The following CDC42BPB variants were observed in gnomAD, a reference collection of about 807,000 sequenced individuals.
The protein encoded by CDC42BPB is CDC42 binding protein kinase beta.
Under a neutral mutation model 214.9 loss-of-function variants are expected in CDC42BPB, and 37 were observed. The observed-to-expected ratio is 0.17, with a 90% CI of 0.13 to 0.23. The LOEUF (loss-of-function observed/expected upper bound fraction) is 0.23. Among genes scored for constraint, CDC42BPB ranks in the 10% least tolerant of loss-of-function variants. CDC42BPB has a pLI of 1.00. For synonymous variants in CDC42BPB, 931 were observed against 884.0 expected, an observed-to-expected ratio of 1.05 and a Z score of -0.94; for missense variants, 1,694 against 2,227.0, an observed-to-expected ratio of 0.76 and a Z score of 4.82.
At chr14:102,980,430 T>C (rs1422463598) in intron 8 of CDC42BPB, among the ~76,000 whole-genome samples, 1 of 151,892 alleles carries the variant, frequency 6.6e-6, no homozygotes, top group Non-Finnish European at 1.5e-5. Flanking sequence ...GAGTCAGAGG[T>C]TGCAGTGAGC....
intron 34 of CDC42BPB, 108 bp downstream of exon 34, chr14:102,939,502 G>A (rs755555328): frequency 2.4e-4 from 190 of 792,522 alleles, no homozygotes; most frequent in Non-Finnish European, 3.0e-4. Context: ...AGAGCACAGC[G>A]CCAGCCTCGC....
chr14:103,040,223 C>T lies in CDC42BPB; in HGVS notation c.175+16776G>A, dbSNP rs529714290. ...TACAAACATTAGCCAGGCGTCGTGGCGGGTGCCTGCAATCCCAGCTACTCG... is the reference window on the plus strand; with the variant it reads ...TACAAACATTAGCCAGGCGTCGTGGTGGGTGCCTGCAATCCCAGCTACTCG... On this transcript the variant is annotated intron_variant, in intron 1 of 36. Transcript: ENST00000361246. Among the ~76,000 whole-genome samples the T allele has an allele frequency of 3.9e-5, 6 of 151,964 alleles. No individual in the cohort carries two copies. The South Asian group carries it at 8.3e-4, about 21-fold the overall frequency.
rs140534674 is a variant in CDC42BPB at position 103,054,393 on chromosome 14, T to C, written c.175+2606A>G. ...ATCAGAGGTTTCAAATGTCATGGAG[T>C]GGTGAATCCAAAAACTGAACAGTCC... On this transcript the variant is annotated intron_variant, in intron 1 of 36. Transcript: ENST00000361246. 5.9e-5 allele frequency among the ~76,000 whole-genome samples: 9 copies of C among 152,268 alleles called. No individual in the cohort carries two copies. The East Asian group carries it at 1.4e-3, about 23-fold the overall frequency.
chr14:103,033,512 G>A (rs1012041910), intron 1 of CDC42BPB, among the ~76,000 whole-genome samples: 7 of 152,016 alleles, frequency 4.6e-5, no homozygotes, highest in Non-Finnish European at 7.4e-5. Flanking sequence ...GTAAGCCACC[G>A]CACCCAGCTG....
Position 102,954,649 on chromosome 14 carries a change from G to A in CDC42BPB, c.2941C>T (p.Pro981Ser), listed in dbSNP as rs764250909. The change falls in exon 22 of 37, where the codon CCA becomes TCA. Residue 981 changes from proline (P) to serine (S), a missense_variant. Coordinates refer to ENST00000361246, the MANE Select transcript of CDC42BPB (RefSeq NM_006035.4). The part of the protein sequence containing the change: ...ASEQETQAPK[P>S]EASPSMSVAA... Reference sequence around the variant, plus strand: ...ACAGACATCGACGGGGACGCTTCTGGCTTCGGAGCTTGTGTTTCTTGCTCA... The same window carrying A: ...ACAGACATCGACGGGGACGCTTCTGACTTCGGAGCTTGTGTTTCTTGCTCA... 11 of 1,613,982 alleles carry A rather than the reference G, an allele frequency of 6.8e-6. No homozygotes were observed. The East Asian group carries it at 2.5e-4, about 36-fold the overall frequency.
intron 1 of CDC42BPB, among the ~76,000 whole-genome samples, chr14:103,052,870 T>C (rs1000658810): frequency 1.3e-5 from 2 of 152,220 alleles, no homozygotes; most frequent in East Asian, 1.9e-4. Context: ...CATTAGCTGT[T>C]ACAAATAAGC....
At chr14:102,948,053 TC>T in intron 26 of CDC42BPB, 1 of 782,034 alleles carries the variant, frequency 1.3e-6, no homozygotes, top group Non-Finnish European at 1.5e-6. Flanking sequence ...TGCTGGTGCC[TC>T]CAGACTATGC....
intron 1 of CDC42BPB, among the ~76,000 whole-genome samples, chr14:103,025,771 C>A (rs1887017054): frequency 6.7e-6 from 1 of 149,410 alleles, no homozygotes; most frequent in African/African-American, 2.5e-5. Flanking sequence ...CAAGCCACTG[C>A]ACTCCAGCCT....
chr14:103,030,820 CAAAAA>C (rs1566914782), intron 1 of CDC42BPB, among the ~76,000 whole-genome samples: 1 of 152,130 alleles, frequency 6.6e-6, no homozygotes, highest in African/African-American at 2.4e-5. Context: ...CCCGTCTCTA[CAAAAA>C]AATTCACAAA....
At chr14:102,942,793 G>A (rs34789465) in intron 30 of CDC42BPB, among the ~76,000 whole-genome samples, 1,544 of 145,274 alleles carry the variant, frequency 0.011, 30 homozygotes, top group African/African-American at 0.037. Context: ...CAACCTCTGC[G>A]TCCCGGGTTC....
chr14:103,011,324 C>T lies in CDC42BPB; in HGVS notation c.267+773G>A, dbSNP rs549886574. Among the ~76,000 whole-genome samples, 491 of 152,354 alleles carry T rather than the reference C, an allele frequency of 3.2e-3. 3 individuals carry two copies. The highest frequency in any genetic ancestry group is 6.8e-3 in the Middle Eastern group (2 of 294). ...GCCAACCGGACCCAGAGCCACACCG[C>T]GTGTGTCAACAGCAAGCAAGTACAG... On this transcript the variant is annotated intron_variant, in intron 2 of 36. Coordinates refer to ENST00000361246, the MANE Select transcript of CDC42BPB (RefSeq NM_006035.4).
At chr14:102,945,530 G>A (rs112036360) in intron 29 of CDC42BPB, 132 bp downstream of exon 29, 11 of 728,866 alleles carry the variant, frequency 1.5e-5, no homozygotes, top group African/African-American at 5.2e-5. Flanking sequence ...CGGTCTTCAC[G>A]GCACGCTGGC....
rs1453677005 is a variant in CDC42BPB at position 102,944,141 on chromosome 14, G to A, written c.4158C>T (p.Leu1386=). ...VQCLAVLRDR[L]CVGYPSGFCL... ...AGAACCCAGAAGGGTAGCCCACACA[G>A]AGCCTGTCCCTGAGCACCGCCAGGC... Residue 1386 remains leucine, a synonymous_variant, in exon 30 of 37, where the codon CTC becomes CTT. Coordinates refer to ENST00000361246, the MANE Select transcript of CDC42BPB (RefSeq NM_006035.4). The surrounding 1 kb of genome is among the most constrained non-coding windows in gnomAD (Gnocchi z 6.6). 1.9e-6 allele frequency: 3 copies of A among 1,613,244 alleles called. No individual in the cohort carries two copies. Among genetic ancestry groups the A allele is most frequent in the Non-Finnish European group, 8.5e-7 (1 of 1,180,010 alleles).
chr14:103,057,469 G>T lies in CDC42BPB; in HGVS notation c.-296C>A. 3.8e-6 allele frequency: 1 copy of T among 262,844 alleles called. No individual in the cohort carries two copies. Among genetic ancestry groups the T allele is most frequent in the Non-Finnish European group, 5.8e-6 (1 of 172,378 alleles). The allele number at this position is 262,844 out of a possible 1,614,324, so 16.3% of individuals were successfully genotyped here. ...GCCGCCCTCAGCCCCGCCCGCGGCC[G>T]CGCCCTCCCCGCCGCCGCCGCCGCA... On this transcript the variant is annotated 5_prime_UTR_variant, in exon 1 of 37. Coordinates refer to ENST00000361246, the MANE Select transcript of CDC42BPB (RefSeq NM_006035.4).
chr14:102,955,949 A>G (rs1256500940), intron 21 of CDC42BPB, among the ~76,000 whole-genome samples: 1 of 152,206 alleles, frequency 6.6e-6, no homozygotes, highest in East Asian at 1.9e-4. Context: ...TAAAACACAC[A>G]CACAACTGTG....
chr14:102,984,022 T>C (rs1296295821), intron 6 of CDC42BPB: 4 of 270,628 alleles, frequency 1.5e-5, no homozygotes, highest in Admixed American at 1.3e-4. Flanking sequence ...CCCAACCCTG[T>C]CTCTAACGAA....
chr14:102,950,869 G>A (rs1467357835), intron 24 of CDC42BPB: 1 of 172,704 alleles, frequency 5.8e-6, no homozygotes, highest in African/African-American at 2.4e-5. Context: ...GGGAGGCTGA[G>A]GCAGAAGAAT....
At chr14:103,003,440 A>T (rs762210658) in intron 4 of CDC42BPB, among the ~76,000 whole-genome samples, 1 of 152,184 alleles carries the variant, frequency 6.6e-6, no homozygotes, top group Non-Finnish European at 1.5e-5. Flanking sequence ...TTTAAATCGG[A>T]AAAATACACA....
intron 5 of CDC42BPB, among the ~76,000 whole-genome samples, chr14:102,986,950 T>C (rs35999475): frequency 5.9e-4 from 90 of 152,306 alleles, no homozygotes; most frequent in African/African-American, 2.1e-3. Flanking sequence ...AGCTGAGGTC[T>C]TGCAAACACA....
Sources: allele counts gnomAD v4.1 joint callset (sites outside exome capture counted in the v4.1 genomes callset), GRCh38; gene constraint gnomAD v4.1.1; non-coding constraint Gnocchi (gnomAD v3.1); transcripts MANE v1.5; gene names NCBI Gene and HGNC (gene_info 2026-07-23, HGNC 2026-07-21).